CDK14: variants seen among roughly 807,000 people sequenced by gnomAD.
CDK14 encodes the protein cyclin-dependent kinase 14.
In CDK14, 34 loss-of-function variants were observed where a neutral mutation model predicts 60.7. The observed-to-expected ratio is 0.56, with a 90% CI of 0.43 to 0.75. The LOEUF (loss-of-function observed/expected upper bound fraction) is 0.75. Among genes scored for constraint, CDK14 ranks in the 30% least tolerant of loss-of-function variants. The probability of loss-of-function intolerance (pLI) is 0.00; values close to 1 mark genes in which losing one functional copy is unlikely to be tolerated. For synonymous variants in CDK14, 197 were observed against 203.7 expected, an observed-to-expected ratio of 0.97 and a Z score of 0.28; for missense variants, 482 against 564.1, an observed-to-expected ratio of 0.85 and a Z score of 1.47.
chr7:90,895,386 CTCTCCTCTCCTCT>C (rs1792280484), intron 6 of CDK14, among the ~76,000 whole-genome samples: 2 of 8,754 alleles, frequency 2.3e-4, no homozygotes, highest in Admixed American at 1.2e-3. Context: ...CTCTCCTCTC[CTCTCCTCTCCTCT>C]CCTCTCCTCT....
At chr7:90,672,505 T>G (rs999380828) in intron 2 of CDK14, among the ~76,000 whole-genome samples, 5 of 10,212 alleles carry the variant, frequency 4.9e-4, no homozygotes, top group Non-Finnish European at 9.6e-4. Flanking sequence ...TTCTTCTGTT[T>G]TTTTTTTTTT....
chr7:90,739,542 C>A (rs969849819), intron 3 of CDK14, among the ~76,000 whole-genome samples: 2 of 151,974 alleles, frequency 1.3e-5, no homozygotes, highest in Non-Finnish European at 2.9e-5. Flanking sequence ...GTGAATATAT[C>A]GTTTTTAGAA....
chr7:90,820,704 T>C (rs983973795), intron 5 of CDK14, among the ~76,000 whole-genome samples: 1 of 152,168 alleles, frequency 6.6e-6, no homozygotes, highest in Non-Finnish European at 1.5e-5. Flanking sequence ...ATGGAACAAG[T>C]TGTCACCTCT....
At chr7:91,007,214 G>A (rs1248241854) in intron 10 of CDK14, among the ~76,000 whole-genome samples, 1 of 152,164 alleles carries the variant, frequency 6.6e-6, no homozygotes, top group East Asian at 1.9e-4. Flanking sequence ...ACTAGAAGCT[G>A]CCCTCTGCCT....
Position 91,180,673 on chromosome 7 carries a change from A to G in CDK14, c.*29-26492A>G, listed in dbSNP as rs73708280. On this transcript the variant is annotated intron_variant, in intron 14 of 14. Coordinates refer to ENST00000380050, the MANE Select transcript of CDK14 (RefSeq NM_001287135.2). ...GTGTGTCAGATAAGTAATGGAGTAG[A>G]TGAGGGTCTCTCCACGAGGTCAGGG... Among the ~76,000 whole-genome samples, 946 of 152,330 alleles carry G rather than the reference A, an allele frequency of 6.2e-3. 8 individuals carry two copies. The highest frequency in any genetic ancestry group is 0.022 in the African/African-American group (901 of 41,582).
chr7:90,929,986 A>C lies in CDK14; in HGVS notation c.826+12262A>C, dbSNP rs550445204. Among the ~76,000 whole-genome samples, 14 of 152,334 alleles carry C rather than the reference A, an allele frequency of 9.2e-5. No individual in the cohort carries two copies. In the East Asian group the frequency reaches 2.7e-3, roughly 29 times the overall value. On this transcript the variant is annotated intron_variant, in intron 8 of 14. Coordinates refer to ENST00000380050, the MANE Select transcript of CDK14 (RefSeq NM_001287135.2). ...ATTAGCATGAAACACAGAAATCTAC[A>C]TGTAAAATGGCATATTGATTTCTTG...
At chr7:90,931,781 TG>T (rs369517126) in intron 8 of CDK14, among the ~76,000 whole-genome samples, 119,610 of 148,306 alleles carry the variant, frequency 0.81, 47,589 homozygotes, top group East Asian at 0.95. Flanking sequence ...CTTTGGATTT[TG>T]TGTGTGTGTG....
chr7:91,118,417 T>C (rs550696227), intron 14 of CDK14, among the ~76,000 whole-genome samples: 3 of 152,318 alleles, frequency 2.0e-5, no homozygotes, highest in South Asian at 4.1e-4. Context: ...ATTATACTTA[T>C]GCTTTTATTT....
intron 5 of CDK14, among the ~76,000 whole-genome samples, 163 bp downstream of exon 5, chr7:90,790,815 T>C (rs544282695): frequency 6.6e-6 from 1 of 152,322 alleles, no homozygotes; most frequent in Admixed American, 6.5e-5. Context: ...CTTGCAGTCA[T>C]GTCAAATCAT....
intron 5 of CDK14, among the ~76,000 whole-genome samples, chr7:90,856,135 G>A (rs1790810321): frequency 6.6e-6 from 1 of 152,090 alleles, no homozygotes; most frequent in Admixed American, 6.5e-5. Flanking sequence ...CTAACCTGTT[G>A]TATTACCTTT....
At chr7:91,205,672 T>C (rs549286865) in intron 14 of CDK14, among the ~76,000 whole-genome samples, 3 of 152,352 alleles carry the variant, frequency 2.0e-5, no homozygotes, top group Non-Finnish European at 4.4e-5. Context: ...TTCTTTTAAA[T>C]GATTAATTTT....
At chr7:90,930,411 T>C (rs1793553292) in intron 8 of CDK14, among the ~76,000 whole-genome samples, 1 of 152,140 alleles carries the variant, frequency 6.6e-6, no homozygotes, top group Admixed American at 6.5e-5. Context: ...GAGTCACTTC[T>C]TAAATTTTGA....
At chr7:90,969,296 C>A (rs531988761) in intron 9 of CDK14, among the ~76,000 whole-genome samples, 1 of 152,188 alleles carries the variant, frequency 6.6e-6, no homozygotes, top group Non-Finnish European at 1.5e-5. Flanking sequence ...TCTAGCTATG[C>A]CATTTGATGA....
chr7:90,723,995 TC>T (rs1802546096), intron 2 of CDK14, among the ~76,000 whole-genome samples: 1 of 152,216 alleles, frequency 6.6e-6, no homozygotes, highest in Admixed American at 6.5e-5. Flanking sequence ...TGAAAGGGTT[TC>T]TGTACAATTG....
At chr7:90,904,391 CAGAG>C (rs1792624944) in intron 7 of CDK14, among the ~76,000 whole-genome samples, 1 of 151,928 alleles carries the variant, frequency 6.6e-6, no homozygotes, top group Non-Finnish European at 1.5e-5. Flanking sequence ...TTAATAGTCT[CAGAG>C]AGAGAAAAGA....
chr7:91,101,443 G>A (rs1446245818), intron 12 of CDK14, among the ~76,000 whole-genome samples: 1 of 152,218 alleles, frequency 6.6e-6, no homozygotes, highest in African/African-American at 2.4e-5. Flanking sequence ...ATGAGTGTCT[G>A]CCAGGGAGAT....
intron 14 of CDK14, among the ~76,000 whole-genome samples, chr7:91,173,013 C>T (rs146698706): frequency 6.6e-6 from 1 of 152,292 alleles, no homozygotes; most frequent in African/African-American, 2.4e-5. Flanking sequence ...AATTCATCTG[C>T]TTGAGAATAC....
At chr7:91,057,329 C>T (rs1797606701) in intron 11 of CDK14, among the ~76,000 whole-genome samples, 2 of 152,090 alleles carry the variant, frequency 1.3e-5, no homozygotes, top group South Asian at 4.1e-4. Flanking sequence ...GAGTAGATTG[C>T]AAAAATTTTC....
chr7:90,832,985 G>A (rs752817098), intron 5 of CDK14, among the ~76,000 whole-genome samples: 1 of 152,150 alleles, frequency 6.6e-6, no homozygotes, highest in Non-Finnish European at 1.5e-5. Flanking sequence ...CCCACATCCA[G>A]CCATCACCTT....
Sources: allele counts gnomAD v4.1 joint callset (sites outside exome capture counted in the v4.1 genomes callset), GRCh38; gene constraint gnomAD v4.1.1; transcripts MANE v1.5; gene names NCBI Gene and HGNC (gene_info 2026-07-23, HGNC 2026-07-21).